The following PRIM2 variants were observed in gnomAD, a reference collection of about 807,000 sequenced individuals.
The protein encoded by PRIM2 is DNA primase subunit 2.
PRIM2 carries 39 observed loss-of-function variants against 67.3 expected under a neutral mutation model. The ratio of observed to expected loss-of-function variants is 0.58; its 90% CI spans 0.45 to 0.76. PRIM2 has a LOEUF of 0.76. Among genes scored for constraint, PRIM2 ranks in the 30% least tolerant of loss-of-function variants. The pLI, the probability that PRIM2 is intolerant of heterozygous loss-of-function variation, is 0.00. For synonymous variants in PRIM2, 143 were observed against 198.7 expected (o/e 0.72, Z 2.36); for missense variants, 398 against 598.7 (o/e 0.66, Z 3.50).
At chr6:57,590,987 A>G (rs1478204538) in intron 10 of PRIM2, among the ~76,000 whole-genome samples, 1 of 152,188 alleles carries the variant, frequency 6.6e-6, no homozygotes, top group African/African-American at 2.4e-5. Context: ...TGAGTATCTG[A>G]CTTCAACCAT....
At chr6:57,585,916 G>T (rs1314280657) in intron 10 of PRIM2, among the ~76,000 whole-genome samples, 1 of 152,146 alleles carries the variant, frequency 6.6e-6, no homozygotes, top group African/African-American at 2.4e-5. Flanking sequence ...ACCATCTGTT[G>T]AGACTTCTTA....
At chr6:57,431,532 C>G (rs550279313) in intron 7 of PRIM2, among the ~76,000 whole-genome samples, 1 of 151,886 alleles carries the variant, frequency 6.6e-6, no homozygotes, top group African/African-American at 2.4e-5. Context: ...GAGGTGCACC[C>G]AGCTACTTGG....
chr6:57,471,818 A>G (rs1348286729), intron 7 of PRIM2, among the ~76,000 whole-genome samples: 1 of 152,214 alleles, frequency 6.6e-6, no homozygotes, highest in African/African-American at 2.4e-5. Context: ...AAGAGAATTT[A>G]TTTGTGTAGC....
chr6:57,300,904 T>G, the PRIM2 span, among the ~76,000 whole-genome samples: 1 of 152,164 alleles, frequency 6.6e-6, no homozygotes, highest in Non-Finnish European at 1.5e-5. Flanking sequence ...TCCATCCTAA[T>G]AGTAATGTTG....
intron 7 of PRIM2, among the ~76,000 whole-genome samples, chr6:57,452,876 A>G (rs1300214854): frequency 6.6e-6 from 1 of 152,130 alleles, no homozygotes; most frequent in Non-Finnish European, 1.5e-5. Context: ...TATGTCCTGA[A>G]TGGTATTGCC....
At chr6:57,433,476 T>TA (rs1309752547) in intron 7 of PRIM2, among the ~76,000 whole-genome samples, 3 of 151,456 alleles carry the variant, frequency 2.0e-5, no homozygotes, top group Admixed American at 6.6e-5. Context: ...AGAACACTTT[T>TA]AAAAAAATCA....
intron 12 of PRIM2, among the ~76,000 whole-genome samples, chr6:57,627,275 G>T (rs1776963994): frequency 4.8e-5 from 1 of 20,980 alleles, no homozygotes; most frequent in African/African-American, 2.4e-4. Context: ...GTGAGACTCT[G>T]TCTCAAAAAA....
At chr6:57,307,480 C>T in the PRIM2 span, among the ~76,000 whole-genome samples, 4 of 152,048 alleles carry the variant, frequency 2.6e-5, no homozygotes, top group East Asian at 2.0e-4. Flanking sequence ...CCTCATGATC[C>T]GCCCACCTCG....
rs751056087 is a variant in PRIM2, at chr6:57,382,203, T to C, written c.693+35T>C. ...TTACTTGATTTCTGTATCTGACATG[T>C]TCACACTTTCAGTTATATACCCCTG... On this transcript the variant is annotated intron_variant, in intron 7 of 13. Transcript: ENST00000615550. 5 of 1,603,810 alleles carry C rather than the reference T, an allele frequency of 3.1e-6. No individual in the cohort carries two copies. In the East Asian group the frequency reaches 9.0e-5, roughly 29 times the overall value.
chr6:57,415,949 C>A (rs1412586038), intron 7 of PRIM2, among the ~76,000 whole-genome samples: 1 of 152,112 alleles, frequency 6.6e-6, no homozygotes, highest in Non-Finnish European at 1.5e-5. Context: ...AAGACTTGAA[C>A]CCCTCAAAGT....
intron 7 of PRIM2, among the ~76,000 whole-genome samples, chr6:57,456,673 A>G (rs1182661670): frequency 6.6e-6 from 1 of 151,142 alleles, no homozygotes; most frequent in Non-Finnish European, 1.5e-5. Context: ...TGGTTATTCT[A>G]GTTAGCCATT....
chr6:57,452,579 CT>C (rs1772594406), intron 7 of PRIM2, among the ~76,000 whole-genome samples: 1 of 152,152 alleles, frequency 6.6e-6, no homozygotes, highest in Non-Finnish European at 1.5e-5. Context: ...GCATAAATGT[CT>C]TCTTTTGAGA....
chr6:57,609,561 T>C (rs1284225793), intron 12 of PRIM2, among the ~76,000 whole-genome samples: 1 of 152,206 alleles, frequency 6.6e-6, no homozygotes, highest in Non-Finnish European at 1.5e-5. Flanking sequence ...AAATTAATGT[T>C]TATAGTTAAT....
chr6:57,517,143 C>T (rs1246188637), intron 8 of PRIM2, among the ~76,000 whole-genome samples: 3 of 152,096 alleles, frequency 2.0e-5, no homozygotes, highest in African/African-American at 7.2e-5. Flanking sequence ...ATTTCTTATG[C>T]TTTTTTAATA....
At chr6:57,432,364 A>T (rs1771865232) in intron 7 of PRIM2, among the ~76,000 whole-genome samples, 1 of 151,368 alleles carries the variant, frequency 6.6e-6, no homozygotes, top group Non-Finnish European at 1.5e-5. Flanking sequence ...CTTCGAAGTC[A>T]GAAGACTGAA....
the PRIM2 span, among the ~76,000 whole-genome samples, chr6:57,308,963 C>A: frequency 6.8e-6 from 1 of 147,118 alleles, no homozygotes; most frequent in Non-Finnish European, 1.5e-5. Flanking sequence ...ATTTATTGAT[C>A]ATTCTTGGGT....
chr6:57,381,977 G>T, intron 6 of PRIM2, 54 bp from the exon 7 acceptor site: 1 of 1,538,742 alleles, frequency 6.5e-7, no homozygotes, highest in South Asian at 1.2e-5. Context: ...TGAAGACTTA[G>T]GATTTCTTAA....
chr6:57,314,384 C>T (rs930653883), upstream of PRIM2, among the ~76,000 whole-genome samples: 1 of 152,154 alleles, frequency 6.6e-6, no homozygotes, highest in Admixed American at 6.5e-5. Flanking sequence ...GGCATGGTGG[C>T]AGGCGCCTGT....
At chr6:57,500,787 A>G (rs2078761375) in intron 7 of PRIM2, among the ~76,000 whole-genome samples, 3 of 152,236 alleles carry the variant, frequency 2.0e-5, no homozygotes, top group African/African-American at 4.8e-5. Context: ...AACAAAGGTC[A>G]GTGATTGGAA....
Sources: allele counts gnomAD v4.1 joint callset (sites outside exome capture counted in the v4.1 genomes callset), GRCh38; gene constraint gnomAD v4.1.1; transcripts MANE v1.5; gene names NCBI Gene and HGNC (gene_info 2026-07-23, HGNC 2026-07-21).